The following CD81 variants were observed in gnomAD, a reference collection of about 807,000 sequenced individuals.
CD81 encodes the protein CD81 antigen.
In CD81, 10 loss-of-function variants were observed where a neutral mutation model predicts 30.1. The ratio of observed to expected loss-of-function variants is 0.33; its 90% CI spans 0.21 to 0.56. The LOEUF (loss-of-function observed/expected upper bound fraction) is 0.56. Among genes scored for constraint, CD81 ranks in the 20% least tolerant of loss-of-function variants. The pLI is 0.89. For synonymous variants in CD81, 147 were observed against 126.4 expected (o/e 1.16, Z -1.10); for missense variants, 263 against 308.7 (o/e 0.85, Z 1.11).
In CD81 at chr11:2,396,827, G is replaced by C. The variant is rs1345211476; in HGVS notation, c.672G>C (p.Met224Ile). 6.2e-7 allele frequency: 1 copy of C among 1,612,798 alleles called. No homozygotes were observed. The highest frequency in any genetic ancestry group is 1.3e-5 in the African/African-American group (1 of 75,060). Residue 224 changes from methionine (M) to isoleucine (I), a missense_variant, in exon 8 of 8, where the codon ATG becomes ATC. Transcript: ENST00000263645. ...VIMIFEMILS[M>I]VLCCGIRNSS... ...AGATCTTCGAGATGATCCTGAGCAT[G>C]GTGCTGTGCTGTGGCATCCGGAACA...
intron 1 of CD81, chr11:2,385,831 A>G (rs1849787991): frequency 3.2e-6 from 2 of 618,012 alleles, no homozygotes; most frequent in Admixed American, 4.8e-5. Flanking sequence ...GGGTTGTTTC[A>G]GTTTGGGGCA....
intron 1 of CD81, among the ~76,000 whole-genome samples, chr11:2,384,329 G>GGGAAGCGGGGCGTCTCC (rs1849750590): frequency 6.9e-6 from 1 of 145,092 alleles, no homozygotes. Flanking sequence ...GGGGTGTCTC[G>GGGAAGCGGGGCGTCTCC]GGAAGCGGGG....
chr11:2,388,994 T>G (rs1471035175), intron 1 of CD81, among the ~76,000 whole-genome samples: 2 of 152,262 alleles, frequency 1.3e-5, no homozygotes, highest in East Asian at 3.9e-4. Context: ...GGGATTCTTG[T>G]ACTGTCCTCC....
chr11:2,389,871 A>G (rs1849866001), intron 1 of CD81, among the ~76,000 whole-genome samples: 1 of 151,958 alleles, frequency 6.6e-6, no homozygotes, highest in African/African-American at 2.4e-5. Context: ...CAGAGTTCTC[A>G]GCACCCCCAG....
intron 1 of CD81, among the ~76,000 whole-genome samples, chr11:2,381,055 C>T (rs577865604): frequency 1.3e-3 from 195 of 152,342 alleles, no homozygotes; most frequent in African/African-American, 4.1e-3. Context: ...CCCTGGCAGG[C>T]GCTGTGGGGG....
At chr11:2,386,750 G>A (rs1291460671) in intron 1 of CD81, 10 of 668,486 alleles carry the variant, frequency 1.5e-5, no homozygotes, top group East Asian at 8.2e-5. Flanking sequence ...ACAGGCTGGC[G>A]TCACCCCCAT....
intron 1 of CD81, chr11:2,385,820 T>G: frequency 7.9e-6 from 5 of 634,958 alleles, no homozygotes; most frequent in East Asian, 6.0e-5. Flanking sequence ...AGTGGGCATA[T>G]GGGTTGTTTC....
chr11:2,394,627 A>G (rs1849964024), intron 3 of CD81, among the ~76,000 whole-genome samples: 1 of 152,026 alleles, frequency 6.6e-6, no homozygotes, highest in Non-Finnish European at 1.5e-5. Context: ...GGGGGTGGGG[A>G]AGATCAGTCA....
At chr11:2,383,445 C>T (rs766564984) in intron 1 of CD81, among the ~76,000 whole-genome samples, 2 of 152,174 alleles carry the variant, frequency 1.3e-5, no homozygotes, top group African/African-American at 2.4e-5. Flanking sequence ...CGGCCCCCAG[C>T]GTCCCTTCCT....
intron 7 of CD81, 30 bp from the exon 8 acceptor site, chr11:2,396,774 C>G (rs374401660): frequency 6.2e-7 from 1 of 1,612,228 alleles, no homozygotes; most frequent in Non-Finnish European, 8.5e-7. Context: ...GGGCCTTGTG[C>G]TGACTGCGCC....
intron 6 of CD81, chr11:2,396,307 G>T (rs867991433): frequency 1.8e-6 from 1 of 570,886 alleles, no homozygotes; most frequent in Middle Eastern, 4.8e-4. Flanking sequence ...AGTGCCCTGT[G>T]GAAGTTTCCT....
At chr11:2,392,743 G>C (rs980305536) in intron 2 of CD81, 1 of 152,434 alleles carries the variant, frequency 6.6e-6, no homozygotes, top group African/African-American at 2.4e-5. Context: ...TGGATTTGCT[G>C]GGCTCACTCC....
chr11:2,389,304 A>C (rs1427501498), intron 1 of CD81, among the ~76,000 whole-genome samples: 1 of 152,150 alleles, frequency 6.6e-6, no homozygotes, highest in Admixed American at 6.5e-5. Flanking sequence ...ATTTATGGGG[A>C]TCACACGGCT....
chr11:2,379,026 T>G lies in CD81; in HGVS notation c.66+1411T>G, dbSNP rs1450435675. 7.4e-6 allele frequency: 3 copies of G among 403,564 alleles called. No individual in the cohort carries two copies. The Admixed American group carries it at 7.6e-5, about 10-fold the overall frequency. 25.0% of individuals were successfully genotyped at this position (403,564 alleles called of 1,614,324 possible). A position where few individuals can be genotyped will look rare whatever the true frequency, so the allele number is the denominator to read the frequency against. ...GACGCTGGTGGGAGTCACTGTGGCCTTCGGCACTGCCCTGGCAGTGGGGGC... is the reference window on the plus strand; with the variant it reads ...GACGCTGGTGGGAGTCACTGTGGCCGTCGGCACTGCCCTGGCAGTGGGGGC... On this transcript the variant is annotated intron_variant, in intron 1 of 7. Coordinates refer to ENST00000263645, the MANE Select transcript of CD81 (RefSeq NM_004356.4).
At chr11:2,390,157 G>A (rs1849872081) in intron 1 of CD81, 1 of 599,032 alleles carries the variant, frequency 1.7e-6, no homozygotes, top group Non-Finnish European at 3.0e-6. Flanking sequence ...CTTCCTGGCA[G>A]TCCTGCCCTG....
intron 1 of CD81, chr11:2,386,187 G>C (rs1458154433): frequency 2.8e-6 from 2 of 717,126 alleles, no homozygotes; most frequent in African/African-American, 1.7e-5. Flanking sequence ...CTTTTTTGCT[G>C]TGTGTGGATC....
chr11:2,381,513 C>A (rs1306392887), intron 1 of CD81, among the ~76,000 whole-genome samples: 1 of 152,258 alleles, frequency 6.6e-6, no homozygotes, highest in East Asian at 1.9e-4. Context: ...GGAGACAGAC[C>A]CCAAAAGATC....
rs904886644 is a variant in CD81 at position 2,377,672 on chromosome 11, G to A, written c.66+57G>A. 3.3e-5 allele frequency: 40 copies of A among 1,222,962 alleles called. No homozygotes were observed. Among genetic ancestry groups the A allele is most frequent in the Non-Finnish European group, 4.5e-5 (40 of 884,118 alleles). The allele number at this position is 1,222,962 out of a possible 1,614,324, so 75.8% of individuals were successfully genotyped here. The stretch of plus-strand genomic sequence containing the variant: ...GGGGCAGGCACACACTCCACGTTGG[G>A]CAGGTCCCGCGGCAGCGTGCTAGGC... On this transcript the variant is annotated intron_variant, in intron 1 of 7. Transcript: ENST00000263645. This position sits in a 1 kb window ranked among gnomAD's most constrained non-coding sequence, Gnocchi z 7.7.
chr11:2,396,283 C>G (rs1589854570), intron 6 of CD81: 1 of 567,366 alleles, frequency 1.8e-6, no homozygotes, highest in East Asian at 3.0e-5. Flanking sequence ...GCTGGCAGGG[C>G]CTGCAGGCCA....
Sources: gnomAD v4.1 joint callset for allele counts (sites outside exome capture counted in the v4.1 genomes callset) on GRCh38, gnomAD v4.1.1 for gene constraint, Gnocchi (gnomAD v3.1) non-coding constraint, MANE v1.5 for transcripts, NCBI Gene and HGNC (gene_info 2026-07-23, HGNC 2026-07-21) for gene names.